ASS1: variants seen among roughly 807,000 people sequenced by gnomAD.
ASS1 encodes argininosuccinate synthase 1, also known as argininosuccinate synthase.
In ASS1, 58 loss-of-function variants were observed where a neutral mutation model predicts 60.5. That is an observed-to-expected ratio of 0.96 (90% CI 0.78 to 1.19). The LOEUF is 1.19. Among genes scored for constraint, ASS1 ranks in the 50% most tolerant of loss-of-function variants. The probability of loss-of-function intolerance (pLI) is 0.00; values close to 1 mark genes in which losing one functional copy is unlikely to be tolerated. For synonymous variants in ASS1, 200 were observed against 206.9 expected (o/e 0.97, Z 0.29); for missense variants, 454 against 547.3 (o/e 0.83, Z 1.70).
At chr9:130,498,008 G>A (rs631908) in intron 13 of ASS1, among the ~76,000 whole-genome samples, 147,168 of 152,156 alleles carry the variant, frequency 0.97, 71,343 homozygotes, top group East Asian at 1. Context: ...GTGGAGGTGT[G>A]GAGGAGGGAG....
At chr9:130,456,170 A>G (rs571103127) in intron 3 of ASS1, among the ~76,000 whole-genome samples, 7 of 152,338 alleles carry the variant, frequency 4.6e-5, no homozygotes, top group Admixed American at 3.3e-4. Context: ...TTTCTTGCAT[A>G]TAACATTAGG....
At chr9:130,485,920 A>G (rs749523522) in intron 11 of ASS1, among the ~76,000 whole-genome samples, 7 of 152,190 alleles carry the variant, frequency 4.6e-5, no homozygotes, top group African/African-American at 9.7e-5. Flanking sequence ...TTCTGGACAC[A>G]CTGCTGAACC....
chr9:130,489,242 A>ATTTT lies in ASS1; in HGVS notation c.839-89_839-88insTTTT. 1.6e-6 allele frequency: 2 copies of ATTTT among 1,228,402 alleles called. No homozygotes were observed. The highest frequency in any genetic ancestry group is 2.3e-6 in the Non-Finnish European group (2 of 875,214). The allele number at this position is 1,228,402 out of a possible 1,614,324, so 76.1% of individuals were successfully genotyped here. A position where few individuals can be genotyped will look rare whatever the true frequency, so the allele number is the denominator to read the frequency against. ...TCCTGTCAGACGACTCATTATTATT[A>ATTTT]TTATTTTTTTTTTTGTCATTTGCTG... On this transcript the variant is annotated intron_variant, in intron 11 of 14. Coordinates refer to ENST00000352480, the MANE Select transcript of ASS1 (RefSeq NM_054012.4). This position sits in a 1 kb window ranked among gnomAD's most constrained non-coding sequence, Gnocchi z 4.1.
chr9:130,471,603 A>G, intron 8 of ASS1, 88 bp downstream of exon 8: 3 of 1,499,722 alleles, frequency 2.0e-6, no homozygotes, highest in African/African-American at 1.4e-5. Context: ...TTTATAGCCT[A>G]ATTTGAAATT....
intron 3 of ASS1, among the ~76,000 whole-genome samples, chr9:130,456,262 T>A (rs1845447101): frequency 6.6e-6 from 1 of 152,050 alleles, no homozygotes; most frequent in South Asian, 2.1e-4. Flanking sequence ...GGTCAGGAGT[T>A]CAAGACCAGC....
At chr9:130,475,269 C>T (rs1372847689) in intron 8 of ASS1, among the ~76,000 whole-genome samples, 1 of 152,218 alleles carries the variant, frequency 6.6e-6, no homozygotes, top group Non-Finnish European at 1.5e-5. Flanking sequence ...ATTTCAGCTG[C>T]CCTTTCCACC....
At chr9:130,468,303 A>G (rs773644218) in intron 6 of ASS1, among the ~76,000 whole-genome samples, 1 of 152,218 alleles carries the variant, frequency 6.6e-6, no homozygotes, top group Non-Finnish European at 1.5e-5. Context: ...AAGGCGCCAG[A>G]GGACTCATAA....
intron 2 of ASS1, 72 bp downstream of exon 2, chr9:130,452,405 C>T (rs1845349019): frequency 2.2e-6 from 3 of 1,367,138 alleles, no homozygotes; most frequent in Admixed American, 1.8e-5. Flanking sequence ...CTGCCAGCCT[C>T]TGTCTGGGTT....
chr9:130,464,399 T>C (rs779901359), intron 5 of ASS1, among the ~76,000 whole-genome samples: 17 of 152,186 alleles, frequency 1.1e-4, no homozygotes, highest in Non-Finnish European at 2.4e-4. Flanking sequence ...GTCCAGGTGC[T>C]GGGGCACGGG....
intron 8 of ASS1, among the ~76,000 whole-genome samples, chr9:130,472,618 C>G (rs1845897422): frequency 2.0e-5 from 3 of 152,206 alleles, no homozygotes; most frequent in African/African-American, 2.4e-5. Context: ...CCTGTCCAAA[C>G]CTGTCACTCA....
intron 8 of ASS1, among the ~76,000 whole-genome samples, chr9:130,475,725 T>C (rs1294974386): frequency 6.9e-6 from 1 of 144,392 alleles, no homozygotes; most frequent in Non-Finnish European, 1.5e-5. Context: ...AAGCAATACG[T>C]GAATGTGTGC....
chr9:130,450,015 A>G (rs1161455228), intron 1 of ASS1, among the ~76,000 whole-genome samples: 2 of 152,214 alleles, frequency 1.3e-5, no homozygotes, highest in African/African-American at 4.8e-5. Flanking sequence ...TTTAAAACAT[A>G]CAACAGAATT....
At position 130,474,898 on chromosome 9, in the gene ASS1, C is replaced by G. The variant is rs576465122; in HGVS notation, c.598-1973C>G. Reference sequence around the variant, plus strand: ...GCATCAGGCTGGGGGTCCCTCAGGGCCCCTCCTACCTCCTGGAGTCTGTCT... The same window carrying G: ...GCATCAGGCTGGGGGTCCCTCAGGGGCCCTCCTACCTCCTGGAGTCTGTCT... On this transcript the variant is annotated intron_variant, in intron 8 of 14. Coordinates refer to ENST00000352480, the MANE Select transcript of ASS1 (RefSeq NM_054012.4). 1.2e-4 allele frequency among the ~76,000 whole-genome samples: 19 copies of G among 152,332 alleles called. 1 individual carries two copies. Among genetic ancestry groups the G allele is most frequent in the Admixed American group, 1.2e-3 (18 of 15,308 alleles).
At position 130,489,227 on chromosome 9, in the gene ASS1, C is replaced by T. The variant is rs759605566; in HGVS notation, c.839-106C>T. The T allele has an allele frequency of 4.3e-5, 63 of 1,480,362 alleles. No homozygotes were observed. The highest frequency in any genetic ancestry group is 1.8e-4 in the Admixed American group (10 of 55,618). The allele number at this position is 1,480,362 out of a possible 1,614,324, so 91.7% of individuals were successfully genotyped here. ...TCCGGCCGGCTTGTCTCCTGTCAGA[C>T]GACTCATTATTATTATTATTTTTTT... On this transcript the variant is annotated intron_variant, in intron 11 of 14. Coordinates refer to ENST00000352480, the MANE Select transcript of ASS1 (RefSeq NM_054012.4). This position sits in a 1 kb window ranked among gnomAD's most constrained non-coding sequence, Gnocchi z 4.1.
chr9:130,469,619 C>T (rs1468480787), intron 6 of ASS1, among the ~76,000 whole-genome samples: 1 of 152,152 alleles, frequency 6.6e-6, no homozygotes, highest in East Asian at 1.9e-4. Flanking sequence ...ACCATGTTGG[C>T]CAGACTGGTC....
chr9:130,463,979 G>T (rs557117297), intron 4 of ASS1, 132 bp from the exon 5 acceptor site: 82 of 918,472 alleles, frequency 8.9e-5, no homozygotes, highest in Middle Eastern at 6.6e-4. Flanking sequence ...GACCTACACT[G>T]CATGACCTCA....
chr9:130,450,769 G>T (rs1845307648), intron 1 of ASS1, among the ~76,000 whole-genome samples: 1 of 152,268 alleles, frequency 6.6e-6, no homozygotes, highest in South Asian at 2.1e-4. Context: ...AGAGTGCTCA[G>T]GATAGCGATG....
In ASS1 at chr9:130,477,363, C is replaced by T. The variant is rs775856047; in HGVS notation, c.688+402C>T. Among the ~76,000 whole-genome samples, 1 of 152,208 alleles carries T rather than the reference C, an allele frequency of 6.6e-6. No individual in the cohort carries two copies. Among genetic ancestry groups the T allele is most frequent in the Admixed American group, 6.5e-5 (1 of 15,280 alleles). ...AGCGTCCAGCCCTGGGCCCTGACCC[C>T]GGAAGGTGCTCAGTAAACGGTGAGT... is the stretch of plus-strand genomic sequence containing the variant. On this transcript the variant is annotated intron_variant, in intron 9 of 14. Coordinates refer to ENST00000352480, the MANE Select transcript of ASS1 (RefSeq NM_054012.4). The surrounding 1 kb of genome is among the most constrained non-coding windows in gnomAD (Gnocchi z 4.2).
At chr9:130,467,088 G>C (rs1389102979) in intron 6 of ASS1, among the ~76,000 whole-genome samples, 1 of 152,158 alleles carries the variant, frequency 6.6e-6, no homozygotes, top group East Asian at 1.9e-4. Context: ...TGCTCCCTGG[G>C]AGGCGGAGAC....
Sources: allele counts gnomAD v4.1 joint callset (sites outside exome capture counted in the v4.1 genomes callset), GRCh38; gene constraint gnomAD v4.1.1; non-coding constraint Gnocchi (gnomAD v3.1); transcripts MANE v1.5; gene names NCBI Gene and HGNC (gene_info 2026-07-23, HGNC 2026-07-21).